Variants in AHNAK observed in about 807,000 individuals in gnomAD.
AHNAK encodes neuroblast differentiation-associated protein AHNAK.
AHNAK carries 23 observed loss-of-function variants against 37.8 expected under a neutral mutation model. The observed-to-expected ratio is 0.61, with a 90% CI of 0.44 to 0.86. The LOEUF is 0.86. Ranked by LOEUF, AHNAK falls within the 40% of genes least tolerant of loss-of-function variation. The probability of loss-of-function intolerance (pLI) is 0.00; values close to 1 mark genes in which losing one functional copy is unlikely to be tolerated. For missense variants in AHNAK, 7,411 were observed against 7,319.4 expected, an observed-to-expected ratio of 1.01 and a Z score of -0.46; for synonymous variants, 2,481 against 2,636.3, an observed-to-expected ratio of 0.94 and a Z score of 1.80.
chr11:62,457,474 A>G (rs1590597042), intron 5 of AHNAK, among the ~76,000 whole-genome samples: 1 of 151,414 alleles, frequency 6.6e-6, no homozygotes, highest in East Asian at 1.9e-4. Context: ...AAAACAAAAT[A>G]TGAAAATTAG....
At chr11:62,535,266 G>T in intron 3 of AHNAK, 76 bp from the exon 4 acceptor site, 1 of 1,339,124 alleles carries the variant, frequency 7.5e-7, no homozygotes, top group Non-Finnish European at 1.0e-6. Context: ...CACACACTGG[G>T]CACTGAACTG....
chr11:62,540,596 A>G (rs887814630), intron 1 of AHNAK, among the ~76,000 whole-genome samples: 13 of 152,168 alleles, frequency 8.5e-5, no homozygotes, highest in Admixed American at 6.5e-4. Flanking sequence ...GATCGCTTGA[A>G]CCCAGGAGTT....
intron 5 of AHNAK, among the ~76,000 whole-genome samples, chr11:62,447,858 ACT>A (rs1215980297): frequency 6.7e-6 from 1 of 149,380 alleles, no homozygotes; most frequent in African/African-American, 2.4e-5. Context: ...TAGAGTTGAC[ACT>A]CTAGTGGGGG....
intron 5 of AHNAK, among the ~76,000 whole-genome samples, chr11:62,451,329 C>G (rs1404025536): frequency 6.6e-6 from 1 of 151,000 alleles, no homozygotes; most frequent in Non-Finnish European, 1.5e-5. Context: ...CTCAGACACT[C>G]GCCCTATGTC....
At chr11:62,472,076 G>A (rs537724508) in intron 5 of AHNAK, among the ~76,000 whole-genome samples, 1 of 151,862 alleles carries the variant, frequency 6.6e-6, no homozygotes, top group Admixed American at 6.6e-5. Flanking sequence ...CCCCCTTGTT[G>A]AGGCAGAGGG....
intron 1 of AHNAK, among the ~76,000 whole-genome samples, chr11:62,536,858 G>C (rs186127826): frequency 6.6e-6 from 1 of 152,176 alleles, no homozygotes; most frequent in African/African-American, 2.4e-5. Flanking sequence ...TGAAAATGGA[G>C]GCAATAAAGG....
rs748608918 is a variant in AHNAK at position 62,519,609 on chromosome 11, C to T, written c.14808G>A (p.Lys4936=). 5 of 1,613,680 alleles carry T rather than the reference C, an allele frequency of 3.1e-6. No homozygotes were observed. The Admixed American group carries it at 6.7e-5, about 22-fold the overall frequency. ...KAPKIGFSGP[K]LEGGEVDLKG... ...TGAGGTCCACTTCACCACCTTCTAA[C>T]TTCGGACCTGAAAATCCAATTTTTG... The change falls in exon 5 of 5, where the codon AAG becomes AAA. Residue 4936 remains lysine, a synonymous_variant. Coordinates refer to ENST00000378024, the MANE Select transcript of AHNAK (RefSeq NM_001620.3).
Position 62,530,937 on chromosome 11 carries a change from G to A in AHNAK, c.3480C>T (p.Pro1160=), listed in dbSNP as rs201692519. 2 of 1,613,294 alleles carry A rather than the reference G, an allele frequency of 1.2e-6. No individual in the cohort carries two copies. The highest frequency in any genetic ancestry group is 2.2e-5 in the East Asian group (1 of 44,800). The change falls in exon 5 of 5, where the codon CCC becomes CCT. Residue 1160 remains proline (P), a synonymous_variant. Transcript: ENST00000378024. ...CATCTGGGGCTTCGATGTCCACCTTGGGTCCTGAGACAACAACGTCAGCCT... is the reference window on the plus strand; with the variant it reads ...CATCTGGGGCTTCGATGTCCACCTTAGGTCCTGAGACAACAACGTCAGCCT... ...LPKADVVVSG[P]KVDIEAPDVS...
At position 62,524,082 on chromosome 11, in the gene AHNAK, T is replaced by C. The variant is rs1940377815; in HGVS notation, c.10335A>G (p.Lys3445=). The C allele has an allele frequency of 2.5e-6, 4 of 1,614,028 alleles. No homozygotes were observed. The highest frequency in any genetic ancestry group is 3.4e-6 in the Non-Finnish European group (4 of 1,180,026). Residue 3445 remains lysine (K), a synonymous_variant, in exon 5 of 5, where the codon AAA becomes AAG. Coordinates refer to ENST00000378024, the MANE Select transcript of AHNAK (RefSeq NM_001620.3). ...GTGCCTTAATATCCACTTTGGGGCC[T>C]TTAAAGTCACCTTCTAAATTGGGAC... ...IAGPNLEGDF[K]GPKVDIKAPE...
chr11:62,490,197 CTTTTTTTTTTT>C (rs944550481), intron 5 of AHNAK, among the ~76,000 whole-genome samples: 3 of 115,932 alleles, frequency 2.6e-5, no homozygotes, highest in Admixed American at 8.9e-5. Context: ...TTTTCTTTTT[CTTTTTTTTTTT>C]TTTTTTTTTT....
chr11:62,492,326 CAGCTCCACTCAG>C (rs1289857953), intron 4 of AHNAK, among the ~76,000 whole-genome samples: 1 of 152,172 alleles, frequency 6.6e-6, no homozygotes, highest in Non-Finnish European at 1.5e-5. Context: ...TCACTAGATT[CAGCTCCACTCAG>C]AGTTCCTGAT....
intron 5 of AHNAK, among the ~76,000 whole-genome samples, chr11:62,447,446 C>T (rs942828713): frequency 5.3e-5 from 8 of 152,172 alleles, no homozygotes; most frequent in Admixed American, 2.6e-4. Flanking sequence ...GTCTGTTCCA[C>T]GCTGTTGCTA....
chr11:62,496,689 G>T (rs1359357758), intron 4 of AHNAK, among the ~76,000 whole-genome samples: 1 of 152,124 alleles, frequency 6.6e-6, no homozygotes, highest in Non-Finnish European at 1.5e-5. Context: ...CAGCTACTCG[G>T]TAGGCTGAGG....
chr11:62,436,475 T>A (rs1938174682), intron 5 of AHNAK, among the ~76,000 whole-genome samples: 1 of 152,156 alleles, frequency 6.6e-6, no homozygotes, highest in Non-Finnish European at 1.5e-5. Context: ...TAAGCTTCAG[T>A]TTCCTCCTCT....
In AHNAK at chr11:62,531,675, A is replaced by C; in HGVS notation, c.2742T>G (p.Gly914=). 1.2e-6 allele frequency: 2 copies of C among 1,613,832 alleles called. No homozygotes were observed. Among genetic ancestry groups the C allele is most frequent in the African/African-American group, 2.7e-5 (2 of 74,888 alleles). The change falls in exon 5 of 5, where the codon GGT becomes GGG. Residue 914 remains glycine (G), a synonymous_variant. Transcript: ENST00000378024. ...ADVDISGPKV[G]VEVPDVNIEG... ...CAATATTCACATCTGGAACTTCAACACCCACCTTGGGTCCTGAGATGTCCA... is the reference window on the plus strand; with the variant it reads ...CAATATTCACATCTGGAACTTCAACCCCCACCTTGGGTCCTGAGATGTCCA...
chr11:62,538,969 C>T lies in AHNAK; in HGVS notation c.-99-2402G>A, dbSNP rs1414131263. 2.0e-5 allele frequency among the ~76,000 whole-genome samples: 3 copies of T among 152,182 alleles called. No homozygotes were observed. In the South Asian group the frequency reaches 6.2e-4, roughly 32 times the overall value. ...TGAAAGAGAAACACAGACCCCAGCC[C>T]CCGACAGCCATCCTCCTGTTTGACA... On this transcript the variant is annotated intron_variant, in intron 1 of 4. Transcript: ENST00000378024.
intron 4 of AHNAK, among the ~76,000 whole-genome samples, chr11:62,496,822 AGAAGAAAGAAAGGAAG>A (rs1316402442): frequency 1.3e-5 from 2 of 150,782 alleles, no homozygotes; most frequent in Admixed American, 1.3e-4. Context: ...AGAAAGAAAA[AGAAGAAAGAAAGGAAG>A]GAAGGAAGAA....
chr11:62,477,220 A>C (rs773383396), intron 5 of AHNAK, among the ~76,000 whole-genome samples: 1 of 152,208 alleles, frequency 6.6e-6, no homozygotes, highest in Non-Finnish European at 1.5e-5. Context: ...TACAGGAATG[A>C]AAAAACTTAT....
rs548356738 is a variant in AHNAK, at chr11:62,488,483, C to T, written c.442+3249G>A. ...ATGGCGCGATCCCAGTTCACTGCAG[C>T]CTCCGCCCCCTGGGTTCAAGCAATT... is the stretch of plus-strand genomic sequence containing the variant. On this transcript the variant is annotated intron_variant, in intron 5 of 5. Coordinates refer to the AHNAK transcript ENST00000257247. 5.7e-4 allele frequency among the ~76,000 whole-genome samples: 86 copies of T among 151,982 alleles called. 1 individual carries two copies. Among genetic ancestry groups the T allele is most frequent in the Non-Finnish European group, 5.9e-5 (4 of 67,946 alleles).
Sources: gnomAD v4.1 joint callset for allele counts (sites outside exome capture counted in the v4.1 genomes callset) on GRCh38, gnomAD v4.1.1 for gene constraint, MANE v1.5 for transcripts, NCBI Gene and HGNC (gene_info 2026-07-23, HGNC 2026-07-21) for gene names.